Variants in ADCY3 observed in about 807,000 individuals in gnomAD.
ADCY3 encodes the protein adenylate cyclase 3.
In ADCY3, 70 loss-of-function variants were observed where a neutral mutation model predicts 119.4. The ratio of observed to expected loss-of-function variants is 0.59; its 90% CI spans 0.48 to 0.72. ADCY3 has a LOEUF of 0.72. ADCY3 is among the 30% of genes least tolerant of loss of function. The pLI, the probability that ADCY3 is intolerant of heterozygous loss-of-function variation, is 0.00. For synonymous variants in ADCY3, 672 were observed against 621.4 expected (o/e 1.08, Z -1.21); for missense variants, 1,238 against 1,541.6 (o/e 0.80, Z 3.30).
At chr2:24,870,780 C>T (rs1674895696) in intron 3 of ADCY3, among the ~76,000 whole-genome samples, 2 of 152,194 alleles carry the variant, frequency 1.3e-5, no homozygotes. Flanking sequence ...TGGCCCCGTG[C>T]ACTCGGCCTA....
chr2:24,844,321 C>G (rs2148602832), intron 3 of ADCY3, among the ~76,000 whole-genome samples: 1 of 152,170 alleles, frequency 6.6e-6, no homozygotes, highest in African/African-American at 2.4e-5. Context: ...CACCCTGGGT[C>G]CTGGGTGGCC....
intron 2 of ADCY3, among the ~76,000 whole-genome samples, chr2:24,901,400 T>C (rs958550494): frequency 6.6e-6 from 1 of 152,224 alleles, no homozygotes; most frequent in East Asian, 1.9e-4. Context: ...AGATAAAATA[T>C]GGATGTGAAA....
chr2:24,910,278 T>TCGC (rs1446926460), intron 2 of ADCY3, among the ~76,000 whole-genome samples: 2 of 152,176 alleles, frequency 1.3e-5, no homozygotes, highest in Non-Finnish European at 2.9e-5. Flanking sequence ...TCATGGCTCA[T>TCGC]TGCAGCATCC....
chr2:24,896,649 G>A (rs142523219), intron 2 of ADCY3, among the ~76,000 whole-genome samples: 29 of 152,134 alleles, frequency 1.9e-4, no homozygotes, highest in African/African-American at 5.3e-4. Flanking sequence ...AGCTCCCTCT[G>A]CAGTTGTTCT....
Position 24,841,058 on chromosome 2 carries a change from G to A in ADCY3, c.1196+201C>T, listed in dbSNP as rs1425686424. Among the ~76,000 whole-genome samples, 2 of 152,246 alleles carry A rather than the reference G, an allele frequency of 1.3e-5. No homozygotes were observed. The highest frequency in any genetic ancestry group is 2.4e-5 in the African/African-American group (1 of 41,468). On this transcript the variant is annotated intron_variant, in intron 6 of 21. Coordinates refer to ENST00000679454, the MANE Select transcript of ADCY3 (RefSeq NM_004036.5). The surrounding 1 kb of genome is among the most constrained non-coding windows in gnomAD (Gnocchi z 5.8). ...GCTGGGGGAGCCTCGCAGGTCCCCT[G>A]GGCTGTGAGGAAGGTAAGCCACATC...
Position 24,830,786 on chromosome 2 carries a change from C to A in ADCY3, c.2095G>T (p.Asp699Tyr). ...GTGTTCCTGGCCCAGCGGGTCCGGT[C>A]AATCCAAGTTGAGAAGGCCACAAGC... Reference protein sequence around the residue: ...KKLVAFSTWIDRTRWARNTWA... With the variant: ...KKLVAFSTWIYRTRWARNTWA... The change falls in exon 13 of 22, where the codon GAC (aspartate) becomes TAC (tyrosine). Residue 699 changes from aspartate (D) to tyrosine (Y), a missense_variant. Physicochemically the swap from Asp to Tyr is radical, Grantham distance 160. Coordinates refer to ENST00000679454, the MANE Select transcript of ADCY3 (RefSeq NM_004036.5). 3 of 1,613,960 alleles carry A rather than the reference C, an allele frequency of 1.9e-6. No homozygotes were observed. In the South Asian group the frequency reaches 3.3e-5, roughly 18 times the overall value.
chr2:24,848,023 G>GC (rs1335403797), intron 3 of ADCY3, among the ~76,000 whole-genome samples: 1 of 152,234 alleles, frequency 6.6e-6, no homozygotes. Context: ...GCCTGGCTCA[G>GC]CCCCCAGCCC....
At chr2:24,876,629 C>T (rs1015540825) in intron 2 of ADCY3, among the ~76,000 whole-genome samples, 16 of 152,180 alleles carry the variant, frequency 1.1e-4, no homozygotes, top group Admixed American at 9.8e-4. Context: ...GGTGGCGTGA[C>T]ATCGTCCCTG....
chr2:24,903,440 T>C (rs555670831), intron 2 of ADCY3, among the ~76,000 whole-genome samples: 47 of 152,166 alleles, frequency 3.1e-4, no homozygotes, highest in South Asian at 8.3e-4. Flanking sequence ...CTGGAAGTCT[T>C]GGCCCTGAGA....
intron 2 of ADCY3, among the ~76,000 whole-genome samples, chr2:24,907,868 C>T (rs1663065492): frequency 6.6e-6 from 1 of 151,448 alleles, no homozygotes; most frequent in Non-Finnish European, 1.5e-5. Flanking sequence ...GTGGTGAGCT[C>T]CTGTAATCCC....
In ADCY3 at chr2:24,919,900, G is replaced by A. The variant is rs1287224260; in HGVS notation, c.-415C>T. 1.3e-5 allele frequency: 2 copies of A among 150,660 alleles called. No individual in the cohort carries two copies. The highest frequency in any genetic ancestry group is 3.0e-5 in the Non-Finnish European group (2 of 67,588). 9.3% of individuals were successfully genotyped at this position (150,660 alleles called of 1,614,324 possible). On this transcript the variant is annotated 5_prime_UTR_variant, in exon 1 of 22. Coordinates refer to ENST00000679454, the MANE Select transcript of ADCY3 (RefSeq NM_004036.5). The surrounding 1 kb of genome is among the most constrained non-coding windows in gnomAD (Gnocchi z 5.5). Reference sequence around the variant, plus strand: ...GCATCCGCGGGCGCCCGGCCGCAGGGGGAAGGAGGAGGCGGCGACGAGGGC... The same window carrying A: ...GCATCCGCGGGCGCCCGGCCGCAGGAGGAAGGAGGAGGCGGCGACGAGGGC...
chr2:24,891,888 T>C (rs928420709), intron 2 of ADCY3, among the ~76,000 whole-genome samples: 29 of 152,214 alleles, frequency 1.9e-4, no homozygotes, highest in African/African-American at 7.0e-4. Context: ...AACTTTATCA[T>C]AGATACGTAT....
At position 24,832,430 on chromosome 2, in the gene ADCY3, C is replaced by T. The variant is rs577749455; in HGVS notation, c.1968-681G>A. Among the ~76,000 whole-genome samples, 194 of 152,222 alleles carry T rather than the reference C, an allele frequency of 1.3e-3. 1 individual carries two copies. Among genetic ancestry groups the T allele is most frequent in the Middle Eastern group, 6.8e-3 (2 of 294 alleles). ...GGGCTAAGAGTCTGCCTGTGACAGC[C>T]ACCCCCAGCTTCACAGTGGACACAC... On this transcript the variant is annotated intron_variant, in intron 11 of 21. Coordinates refer to ENST00000679454, the MANE Select transcript of ADCY3 (RefSeq NM_004036.5).
intron 3 of ADCY3, among the ~76,000 whole-genome samples, chr2:24,859,200 T>G (rs1052352574): frequency 6.6e-6 from 1 of 152,194 alleles, no homozygotes; most frequent in African/African-American, 2.4e-5. Flanking sequence ...GTGTGTCTCC[T>G]GTGAAGCAGA....
chr2:24,890,583 C>G (rs1677544178), intron 2 of ADCY3, among the ~76,000 whole-genome samples: 1 of 152,166 alleles, frequency 6.6e-6, no homozygotes, highest in South Asian at 2.1e-4. Context: ...TGTATTGGCA[C>G]AGAGTTGTTT....
chr2:24,917,450 G>C (rs1487631090), intron 2 of ADCY3, among the ~76,000 whole-genome samples: 2 of 152,214 alleles, frequency 1.3e-5, no homozygotes, highest in Non-Finnish European at 2.9e-5. Flanking sequence ...CTCATTCTCT[G>C]GTCACCGGCT....
At chr2:24,869,324 T>A (rs1674687929) in intron 3 of ADCY3, among the ~76,000 whole-genome samples, 1 of 152,160 alleles carries the variant, frequency 6.6e-6, no homozygotes, top group South Asian at 2.1e-4. Flanking sequence ...CTGAACAACC[T>A]TATTATCTAT....
intron 2 of ADCY3, among the ~76,000 whole-genome samples, chr2:24,907,527 C>T (rs1663014486): frequency 6.6e-6 from 1 of 152,074 alleles, no homozygotes; most frequent in African/African-American, 2.4e-5. Context: ...AAGTGAATTC[C>T]TTAGGAACCA....
At position 24,842,235 on chromosome 2, in the gene ADCY3, G is replaced by A. The variant is rs112969989; in HGVS notation, c.956+19C>T. Reference sequence around the variant, plus strand: ...ACAGCCTGCTCTGCCATCAGAGCCCGCGCCCCGGGCCGGCGTACCTGACGT... The same window carrying A: ...ACAGCCTGCTCTGCCATCAGAGCCCACGCCCCGGGCCGGCGTACCTGACGT... On this transcript the variant is annotated intron_variant, in intron 4 of 21. Transcript: ENST00000679454. This position sits in a 1 kb window ranked among gnomAD's most constrained non-coding sequence, Gnocchi z 4.9. The A allele has an allele frequency of 3.0e-3, 4,835 of 1,613,624 alleles. 116 individuals carry two copies. In the African/African-American group the frequency reaches 0.056, roughly 19 times the overall value.
Sources: allele counts gnomAD v4.1 joint callset (sites outside exome capture counted in the v4.1 genomes callset), GRCh38; gene constraint gnomAD v4.1.1; non-coding constraint Gnocchi (gnomAD v3.1); transcripts MANE v1.5; gene names NCBI Gene and HGNC (gene_info 2026-07-23, HGNC 2026-07-21).